The following GBF1 variants were observed in gnomAD, a reference collection of about 807,000 sequenced individuals.
GBF1 encodes golgi brefeldin A resistant guanine nucleotide exchange factor 1, also known as Golgi-specific brefeldin A-resistance guanine nucleotide exchange factor 1.
Under a neutral mutation model 210.5 loss-of-function variants are expected in GBF1, and 114 were observed. The observed-to-expected ratio is 0.54, with a 90% confidence interval of 0.47 to 0.63. The LOEUF (loss-of-function observed/expected upper bound fraction) is 0.63, where lower values mean the gene tolerates loss of function less well. Ranked by LOEUF, GBF1 falls within the 30% of genes least tolerant of loss-of-function variation. The pLI is 0.00. For missense variants in GBF1, 1,851 were observed against 2,357.7 expected (o/e 0.79, Z 4.45); for synonymous variants, 850 against 889.2 (o/e 0.96, Z 0.78).
chr10:102,236,770 C>G, the GBF1 span, among the ~76,000 whole-genome samples: 1 of 152,182 alleles, frequency 6.6e-6, no homozygotes, highest in East Asian at 1.9e-4. Context: ...ATAATAATGC[C>G]TGAGGCTGGA....
rs1386410982 is a variant in GBF1 at position 102,337,383 on chromosome 10, A to AC, written c.164-6668_164-6667insC. Among the ~76,000 whole-genome samples the AC allele has an allele frequency of 1.8e-4, 27 of 151,586 alleles. No individual in the cohort carries two copies. In the South Asian group the frequency reaches 5.5e-3, roughly 31 times the overall value. The stretch of plus-strand genomic sequence containing the variant: ...AGACTCCGCCTCAAAAAAAAAAAAA[A>AC]AAACTATGGGTCTGCAGTGGATTGA... On this transcript the variant is annotated intron_variant, in intron 3 of 39. Transcript: ENST00000369983.
intron 1 of GBF1, among the ~76,000 whole-genome samples, chr10:102,248,639 T>A (rs752089379): frequency 2.5e-4 from 38 of 152,088 alleles, no homozygotes; most frequent in Non-Finnish European, 5.1e-4. Context: ...TCTTTAATTT[T>A]AATTTCTTTT....
chr10:102,308,739 G>C (rs10748819), intron 3 of GBF1, among the ~76,000 whole-genome samples: 3 of 147,456 alleles, frequency 2.0e-5, no homozygotes, highest in Non-Finnish European at 3.0e-5. Context: ...GTAGGGGGAG[G>C]GGGGAGGGAT....
At chr10:102,381,831 A>G (rs1426924870) in intron 39 of GBF1, among the ~76,000 whole-genome samples, 4 of 149,496 alleles carry the variant, frequency 2.7e-5, no homozygotes, top group Admixed American at 6.7e-5. Context: ...GCGAAAAAAA[A>G]AAAAAAAAAA....
At chr10:102,359,622 A>C (rs2059481136) in intron 11 of GBF1, among the ~76,000 whole-genome samples, 187 bp downstream of exon 11, 1 of 152,044 alleles carries the variant, frequency 6.6e-6, no homozygotes, top group African/African-American at 2.4e-5. Flanking sequence ...TCCCTAACTT[A>C]TACTACAGGG....
At chr10:102,301,559 C>T (rs556474901) in intron 3 of GBF1, among the ~76,000 whole-genome samples, 14 of 151,598 alleles carry the variant, frequency 9.2e-5, no homozygotes, top group Non-Finnish European at 2.1e-4. Context: ...TGGGCAGCTG[C>T]CGGGCGGAGG....
intron 28 of GBF1, 27 bp downstream of exon 28, chr10:102,370,505 ACC>A (rs774010025): frequency 6.4e-7 from 1 of 1,552,316 alleles, no homozygotes; most frequent in Non-Finnish European, 8.9e-7. Flanking sequence ...CTTTAGGCAG[ACC>A]CCATGCTGGG....
In GBF1 at chr10:102,376,888, A is replaced by G. The variant is rs753544165; in HGVS notation, c.4289-47A>G. On this transcript the variant is annotated intron_variant, in intron 32 of 39. Transcript: ENST00000369983. ...AGAGGGGAGAAAAGGCAGGGTATCT[A>G]TGCCTATATAGACACAGAAATGTGA... 4 of 1,600,318 alleles carry G rather than the reference A, an allele frequency of 2.5e-6. No homozygotes were observed. The African/African-American group carries it at 4.0e-5, about 16-fold the overall frequency.
chr10:102,330,725 G>T (rs1247855253), intron 3 of GBF1, among the ~76,000 whole-genome samples: 2 of 152,012 alleles, frequency 1.3e-5, no homozygotes, highest in African/African-American at 4.8e-5. Flanking sequence ...TGTAGCTGTT[G>T]CTGATGTCTG....
chr10:102,239,732 C>T, the GBF1 span, among the ~76,000 whole-genome samples: 6 of 152,238 alleles, frequency 3.9e-5, no homozygotes, highest in Non-Finnish European at 7.3e-5. Flanking sequence ...GCTGGGCTAT[C>T]TTGCTCACTT....
At chr10:102,353,513 CT>C in intron 7 of GBF1, 86 bp from the exon 8 acceptor site, 1 of 879,260 alleles carries the variant, frequency 1.1e-6, no homozygotes, top group Non-Finnish European at 2.0e-6. Flanking sequence ...CATGCTCTGG[CT>C]CAGAGCACCT....
chr10:102,248,278 CT>C (rs202223133), intron 1 of GBF1, among the ~76,000 whole-genome samples: 167 of 140,902 alleles, frequency 1.2e-3, no homozygotes, highest in Admixed American at 1.1e-3. Context: ...AGCTGTTACT[CT>C]TTTTTTTTTT....
chr10:102,287,111 A>G (rs2076013909), intron 3 of GBF1, among the ~76,000 whole-genome samples: 1 of 152,104 alleles, frequency 6.6e-6, no homozygotes, highest in South Asian at 2.1e-4. Context: ...TAATTTGCAG[A>G]TGATTCTTTC....
At chr10:102,334,835 C>T (rs1031837534) in intron 3 of GBF1, among the ~76,000 whole-genome samples, 4 of 148,622 alleles carry the variant, frequency 2.7e-5, no homozygotes, top group African/African-American at 1.0e-4. Context: ...GGTGACAGAG[C>T]GAGACTTCGT....
At chr10:102,271,008 G>A (rs1345437255) in intron 3 of GBF1, among the ~76,000 whole-genome samples, 1 of 151,700 alleles carries the variant, frequency 6.6e-6, no homozygotes, top group Non-Finnish European at 1.5e-5. Flanking sequence ...ACCAAGCCTA[G>A]CTAATTTTTT....
chr10:102,380,347 C>T lies in GBF1; in HGVS notation c.4977C>T (p.Gly1659=). 6.2e-7 allele frequency: 1 copy of T among 1,612,176 alleles called. No homozygotes were observed. The highest frequency in any genetic ancestry group is 8.5e-7 in the Non-Finnish European group (1 of 1,178,266). ...TCATGGACAAGTACATGCACGCAGG[C>T]TCCAGCGACTTACTGGTATGTTCTA... is the stretch of plus-strand genomic sequence containing the variant. ...LDFMDKYMHA[G]SSDLLSEAIP... is the part of the protein sequence containing the mutation. The change falls in exon 37 of 40, where the codon GGC becomes GGT. Residue 1659 remains glycine, a synonymous_variant. Coordinates refer to ENST00000369983, the MANE Select transcript of GBF1 (RefSeq NM_001377137.1).
chr10:102,360,974 CAA>C (rs375688888), intron 12 of GBF1, 46 bp from the exon 13 acceptor site: 5,489 of 687,802 alleles, frequency 8.0e-3, no homozygotes, highest in South Asian at 9.1e-3. Flanking sequence ...AACTCCGCCT[CAA>C]AAAAAAAAAA....
At chr10:102,294,030 G>A (rs1314195596) in intron 3 of GBF1, among the ~76,000 whole-genome samples, 4 of 151,468 alleles carry the variant, frequency 2.6e-5, no homozygotes, top group South Asian at 2.1e-4. Flanking sequence ...CACCCGCCTC[G>A]GCCTCCCAAA....
rs2060780951 is a variant in GBF1, at chr10:102,380,529, G to A, written c.5016G>A (p.Leu1672=). The A allele has an allele frequency of 1.2e-6, 2 of 1,613,446 alleles. No homozygotes were observed. The highest frequency in any genetic ancestry group is 1.7e-6 in the Non-Finnish European group (2 of 1,179,734). The change falls in exon 38 of 40, where the codon CTG becomes CTA. Residue 1672 remains leucine (L), a synonymous_variant. Coordinates refer to ENST00000369983, the MANE Select transcript of GBF1 (RefSeq NM_001377137.1). The stretch of plus-strand genomic sequence containing the variant: ...AGTCAGAGGCGATCCCTGAGTCTCT[G>A]AAGAACATGCTTCTGGTGATGGACA... The part of the protein sequence containing the change: ...DLLSEAIPES[L]KNMLLVMDTA...
Sources: gnomAD v4.1 joint callset for allele counts (sites outside exome capture counted in the v4.1 genomes callset) on GRCh38, gnomAD v4.1.1 for gene constraint, MANE v1.5 for transcripts, NCBI Gene and HGNC (gene_info 2026-07-23, HGNC 2026-07-21) for gene names.